The following PSG6 variants were observed in gnomAD, a reference collection of about 807,000 sequenced individuals.
The protein encoded by PSG6 is pregnancy-specific beta-1-glycoprotein 6.
PSG6 carries 51 observed loss-of-function variants against 43.3 expected under a neutral mutation model. That is an observed-to-expected ratio of 1.18 (90% CI 0.94 to 1.49). The LOEUF (loss-of-function observed/expected upper bound fraction) is 1.49, where lower values mean the gene tolerates loss of function less well. PSG6 is among the 40% of genes most tolerant of loss of function. PSG6 has a pLI of 0.00. For missense variants in PSG6, 770 were observed against 522.2 expected, an observed-to-expected ratio of 1.47 and a Z score of -4.62; for synonymous variants, 292 against 197.6, an observed-to-expected ratio of 1.48 and a Z score of -4.01.
intron 2 of PSG6, among the ~76,000 whole-genome samples, chr19:42,914,088 T>C (rs901708233): frequency 6.6e-6 from 1 of 151,602 alleles, no homozygotes; most frequent in Admixed American, 6.6e-5. Context: ...GTCTGGCAAT[T>C]ACAAGGGTGG....
chr19:42,908,024 G>A lies in PSG6; in HGVS notation c.707-170C>T, dbSNP rs991440942. The A allele has an allele frequency of 9.1e-6, 10 of 1,102,408 alleles. No homozygotes were observed. In the African/African-American group the frequency reaches 1.1e-4, roughly 12 times the overall value. 68.3% of individuals were successfully genotyped at this position (1,102,408 alleles called of 1,614,324 possible). ...ATGATGATCTAAGGGCTCAAAGACT[G>A]TGAGGCCTCCTGCTCTGTCTTAGGG... On this transcript the variant is annotated intron_variant, in intron 3 of 5. Transcript: ENST00000187910.
chr19:42,916,348 G>A lies in PSG6; in HGVS notation c.204C>T (p.Tyr68=), dbSNP rs1411444530. 7 of 1,612,164 alleles carry A rather than the reference G, an allele frequency of 4.3e-6. 1 individual carries two copies. The highest frequency in any genetic ancestry group is 1.1e-5 in the South Asian group (1 of 90,632). ...GGTAGAGGTCCGTCATTTGCCCTTT[G>A]TACCAGATGTAGCCAGTAAGATTCT... is the stretch of plus-strand genomic sequence containing the variant. ...LPQNLTGYIW[Y]KGQMTDLYHY... Residue 68 remains tyrosine, a synonymous_variant, in exon 2 of 6, where the codon TAC becomes TAT. Coordinates refer to ENST00000187910, the MANE Select transcript of PSG6 (RefSeq NM_001031850.4).
chr19:42,916,599 C>G, intron 1 of PSG6, 112 bp from the exon 2 acceptor site: 1 of 1,406,982 alleles, frequency 7.1e-7, no homozygotes, highest in Non-Finnish European at 9.7e-7. Context: ...AAGATATGCA[C>G]ACACACACAT....
In PSG6 at chr19:42,903,493, C is replaced by A. The variant is rs112140515; in HGVS notation, c.1241-1047G>T. 3.0e-3 allele frequency: 2,910 copies of A among 985,664 alleles called. 100 individuals carry two copies. In the African/African-American group the frequency reaches 0.044, roughly 15 times the overall value. The allele number at this position is 985,664 out of a possible 1,614,324, so 61.1% of individuals were successfully genotyped here. A position where few individuals can be genotyped will look rare whatever the true frequency, so the allele number is the denominator to read the frequency against. ...AATGGAAACAGAATAGAGGAAATTA[C>A]TGAAACCAAAAGTTGATTCTTCAAA... On this transcript the variant is annotated intron_variant, in intron 5 of 5. Coordinates refer to ENST00000187910, the MANE Select transcript of PSG6 (RefSeq NM_001031850.4).
intron 2 of PSG6, among the ~76,000 whole-genome samples, chr19:42,911,502 G>A (rs1972225010): frequency 6.6e-6 from 1 of 151,568 alleles, no homozygotes; most frequent in East Asian, 1.9e-4. Context: ...TAAAGATAGA[G>A]CAGAGTCCAA....
chr19:42,910,468 T>A, intron 3 of PSG6, 112 bp downstream of exon 3: 3 of 1,610,538 alleles, frequency 1.9e-6, no homozygotes, highest in Non-Finnish European at 2.5e-6. Flanking sequence ...AGCTTTGATG[T>A]TCAGGGATAA....
In PSG6 at chr19:42,906,984, C is replaced by A. The variant is rs1387137710; in HGVS notation, c.1178G>T (p.Cys393Phe). 2 of 1,612,284 alleles carry A rather than the reference C, an allele frequency of 1.2e-6. No individual in the cohort carries two copies. The highest frequency in any genetic ancestry group is 1.7e-6 in the Non-Finnish European group (2 of 1,179,116). Residue 393 changes from cysteine to phenylalanine, a missense_variant, in exon 5 of 6, where the codon TGC becomes TTC. By Grantham distance (205) the Cys-to-Phe change is radical. Coordinates refer to ENST00000187910, the MANE Select transcript of PSG6 (RefSeq NM_001031850.4). ...ITTNHSGLYA[C>F]SVRNSATGKE... ...GCCAGTGGCTGAGTTACGAACAGAG[C>A]AAGCATAGAGCCCGCTATGATTTGT... is the stretch of plus-strand genomic sequence containing the variant.
At chr19:42,908,074 A>C in intron 3 of PSG6, 2 of 806,292 alleles carry the variant, frequency 2.5e-6, no homozygotes, top group Non-Finnish European at 3.8e-6. Context: ...TCAAGTGTCA[A>C]TTGAGCAGCA....
intron 5 of PSG6, among the ~76,000 whole-genome samples, chr19:42,905,389 G>C (rs1972095642): frequency 6.6e-6 from 1 of 151,626 alleles, no homozygotes; most frequent in South Asian, 2.1e-4. Flanking sequence ...GGATGGCTTT[G>C]ATAAACAACA....
chr19:42,907,834 T>G lies in PSG6; in HGVS notation c.727A>C (p.Ile243Leu). The G allele has an allele frequency of 6.2e-7, 1 of 1,611,636 alleles. No individual in the cohort carries two copies. Among genetic ancestry groups the G allele is most frequent in the Non-Finnish European group, 8.5e-7 (1 of 1,179,038 alleles). Reference sequence around the variant, plus strand: ...CTGGGGTTTAAGTTGTTGATGGTGATGTAAGGCATGGGCAGCTTCGCTGTG... The same window carrying G: ...CTGGGGTTTAAGTTGTTGATGGTGAGGTAAGGCATGGGCAGCTTCGCTGTG... ...NLLPKLPMPY[I>L]TINNLNPREK... The change falls in exon 4 of 6, where the codon ATC becomes CTC. Residue 243 changes from isoleucine to leucine, a missense_variant. Coordinates refer to ENST00000187910, the MANE Select transcript of PSG6 (RefSeq NM_001031850.4).
At position 42,903,843 on chromosome 19, in the gene PSG6, T is replaced by C. The variant is rs994195700; in HGVS notation, c.1241-1397A>G. ...AGGAGGTTGAGGCTGCAGTGAGCCA[T>C]AATCACACCACTGTATTCCATCCTA... is the stretch of plus-strand genomic sequence containing the variant. On this transcript the variant is annotated intron_variant, in intron 5 of 5. Transcript: ENST00000187910. 6.2e-5 allele frequency: 79 copies of C among 1,277,280 alleles called. 2 individuals are homozygous for C. Among genetic ancestry groups the C allele is most frequent in the Non-Finnish European group, 7.7e-5 (75 of 972,620 alleles). The allele number at this position is 1,277,280 out of a possible 1,614,324, so 79.1% of individuals were successfully genotyped here.
At chr19:42,906,766 G>C in intron 5 of PSG6, 156 bp downstream of exon 5, 1 of 1,582,914 alleles carries the variant, frequency 6.3e-7, no homozygotes, top group African/African-American at 1.4e-5. Flanking sequence ...AAGAGAGTCT[G>C]TAGAGATAAG....
chr19:42,916,219 G>A lies in PSG6; in HGVS notation c.333C>T (p.Val111=), dbSNP rs1350849965. 1 of 1,612,194 alleles carries A rather than the reference G, an allele frequency of 6.2e-7. No homozygotes were observed. The highest frequency in any genetic ancestry group is 2.2e-5 in the East Asian group (1 of 44,788). Residue 111 remains valine, a synonymous_variant, in exon 2 of 6, where the codon GTC becomes GTT. Coordinates refer to ENST00000187910, the MANE Select transcript of PSG6 (RefSeq NM_001031850.4). ...YSNASLLIQN[V]TQEDAGSYTL... ...TGTAGGATCCTGCATCCTCCTGTGT[G>A]ACATTCTGGATCAGCAGGGATGCAT...
chr19:42,905,635 C>A (rs1396331090), intron 5 of PSG6, among the ~76,000 whole-genome samples: 2 of 151,750 alleles, frequency 1.3e-5, no homozygotes, highest in African/African-American at 4.8e-5. Context: ...TACAGAGAAG[C>A]ATTACTCACA....
chr19:42,908,022 C>T (rs1972152286), intron 3 of PSG6, 168 bp from the exon 4 acceptor site: 2 of 1,113,352 alleles, frequency 1.8e-6, no homozygotes, highest in Admixed American at 2.5e-5. Flanking sequence ...GGCTCAAAGA[C>T]TGTGAGGCCT....
In PSG6 at chr19:42,910,026, A is replaced by C. The variant is rs192418252; in HGVS notation, c.706+554T>G. ...TGTTTTAGTGATTTGGGGTATAAAG[A>C]ACACTTGTGCTGATTGCTGGAACTT... On this transcript the variant is annotated intron_variant, in intron 3 of 5. Coordinates refer to ENST00000187910, the MANE Select transcript of PSG6 (RefSeq NM_001031850.4). 4.0e-4 allele frequency: 71 copies of C among 177,674 alleles called. 4 individuals carry two copies. Among genetic ancestry groups the C allele is most frequent in the South Asian group, 2.7e-4 (2 of 7,362 alleles). 11.0% of individuals were successfully genotyped at this position (177,674 alleles called of 1,614,324 possible).
chr19:42,909,602 G>A (rs1227138863), intron 3 of PSG6: 4 of 151,518 alleles, frequency 2.6e-5, no homozygotes, highest in African/African-American at 9.7e-5. Context: ...GCAATGTTTT[G>A]TAGTTTTCAG....
At chr19:42,906,533 T>G in intron 5 of PSG6, 1 of 1,276,732 alleles carries the variant, frequency 7.8e-7, no homozygotes, top group Non-Finnish European at 1.0e-6. Flanking sequence ...TTTCAAAGCC[T>G]CAGATGTTCC....
At chr19:42,912,281 T>A (rs890987133) in intron 2 of PSG6, among the ~76,000 whole-genome samples, 2 of 151,632 alleles carry the variant, frequency 1.3e-5, no homozygotes, top group African/African-American at 4.8e-5. Context: ...TTAGACCTCA[T>A]GTTATATTCT....
Sources: gnomAD v4.1 joint callset for allele counts (sites outside exome capture counted in the v4.1 genomes callset) on GRCh38, gnomAD v4.1.1 for gene constraint, MANE v1.5 for transcripts, NCBI Gene and HGNC (gene_info 2026-07-23, HGNC 2026-07-21) for gene names.